The following NCAM2 variants were observed in gnomAD, a reference collection of about 807,000 sequenced individuals.
The protein encoded by NCAM2 is N-CAM-2.
A neutral mutation model predicts 98.1 loss-of-function variants in NCAM2; 30 were observed. The observed-to-expected ratio is 0.31, with a 90% CI of 0.23 to 0.41. NCAM2 has a LOEUF of 0.41. Among genes scored for constraint, NCAM2 ranks in the 10% least tolerant of loss-of-function variants. NCAM2 has a pLI of 1.00. For synonymous variants in NCAM2, 368 were observed against 342.4 expected (o/e 1.07, Z -0.83); for missense variants, 867 against 1,005.8 (o/e 0.86, Z 1.87).
intron 5 of NCAM2, among the ~76,000 whole-genome samples, chr21:21,315,109 G>C (rs2074179744): frequency 6.6e-6 from 1 of 152,098 alleles, no homozygotes; most frequent in Non-Finnish European, 1.5e-5. Context: ...GTTTAGATCA[G>C]ACAACAAATT....
At chr21:21,243,147 A>T (rs1003463319) in intron 1 of NCAM2, among the ~76,000 whole-genome samples, 2 of 152,226 alleles carry the variant, frequency 1.3e-5, no homozygotes, top group African/African-American at 2.4e-5. Flanking sequence ...TTTAAGAGCC[A>T]AAGAAATAAT....
At chr21:21,268,383 GAC>G (rs79110228) in intron 1 of NCAM2, among the ~76,000 whole-genome samples, 2,671 of 152,248 alleles carry the variant, frequency 0.018, 85 homozygotes, top group East Asian at 0.14. Flanking sequence ...CCAACAACAT[GAC>G]ACTGCTTCTC....
chr21:21,129,514 G>C (rs2066892866), intron 1 of NCAM2, among the ~76,000 whole-genome samples: 1 of 152,038 alleles, frequency 6.6e-6, no homozygotes, highest in Non-Finnish European at 1.5e-5. Context: ...CTGCAAACTG[G>C]ATGGGTTATA....
intron 1 of NCAM2, among the ~76,000 whole-genome samples, chr21:21,087,975 C>G (rs559095308): frequency 1.3e-5 from 2 of 152,224 alleles, no homozygotes; most frequent in East Asian, 1.9e-4. Context: ...TATCACCATT[C>G]AAATACACAT....
intron 8 of NCAM2, among the ~76,000 whole-genome samples, chr21:21,348,996 T>C (rs1207919051): frequency 6.6e-6 from 1 of 152,122 alleles, no homozygotes; most frequent in African/African-American, 2.4e-5. Context: ...CAAGAAATCA[T>C]TGGGGAAAAT....
intron 9 of NCAM2, among the ~76,000 whole-genome samples, chr21:21,394,598 C>T (rs974128163): frequency 6.8e-6 from 1 of 148,136 alleles, no homozygotes; most frequent in Non-Finnish European, 1.5e-5. Context: ...ACGCCATTCT[C>T]CTGCCTCAGC....
chr21:20,998,753 T>C, intron 1 of NCAM2, 135 bp downstream of exon 1: 1 of 873,516 alleles, frequency 1.1e-6, no homozygotes. Flanking sequence ...TTATTATTAT[T>C]TTCGTTCTTT....
At chr21:21,436,003 G>A (rs536568940) in intron 12 of NCAM2, among the ~76,000 whole-genome samples, 5 of 152,196 alleles carry the variant, frequency 3.3e-5, no homozygotes, top group Admixed American at 2.0e-4. Context: ...CACCCCTAAC[G>A]TTGTAAGATA....
intron 1 of NCAM2, among the ~76,000 whole-genome samples, chr21:21,017,834 T>C (rs900646063): frequency 3.3e-5 from 5 of 152,162 alleles, no homozygotes; most frequent in Admixed American, 6.5e-5. Context: ...ATGTAACATA[T>C]ATATTTGTTT....
chr21:21,479,556 C>T (rs1232190861), intron 15 of NCAM2, among the ~76,000 whole-genome samples: 2 of 111,182 alleles, frequency 1.8e-5, no homozygotes, highest in African/African-American at 3.2e-5. Context: ...TGCACTCCAG[C>T]CTGGGAGACA....
intron 12 of NCAM2, among the ~76,000 whole-genome samples, chr21:21,463,267 C>T (rs1470592158): frequency 6.6e-6 from 1 of 152,042 alleles, no homozygotes; most frequent in Admixed American, 6.6e-5. Flanking sequence ...CAGGCTTTGC[C>T]TCCTCCAAAT....
intron 1 of NCAM2, among the ~76,000 whole-genome samples, chr21:21,254,498 C>T (rs2071589456): frequency 6.6e-6 from 1 of 152,136 alleles, no homozygotes; most frequent in Non-Finnish European, 1.5e-5. Flanking sequence ...GCATGTTGAT[C>T]AATTGACACA....
intron 1 of NCAM2, among the ~76,000 whole-genome samples, chr21:21,136,339 C>T (rs1483046827): frequency 6.6e-6 from 1 of 152,160 alleles, no homozygotes; most frequent in Non-Finnish European, 1.5e-5. Context: ...GGGAAAACAA[C>T]CAGAAACACT....
At chr21:21,397,328 G>C (rs2076531894) in intron 9 of NCAM2, among the ~76,000 whole-genome samples, 1 of 152,192 alleles carries the variant, frequency 6.6e-6, no homozygotes, top group South Asian at 2.1e-4. Flanking sequence ...CCAGAAGGCT[G>C]TCTGCCTCCT....
intron 9 of NCAM2, 136 bp from the exon 10 acceptor site, chr21:21,410,138 G>GA (rs112122491): frequency 0.074 from 32,541 of 439,394 alleles, 7 homozygotes; most frequent in Middle Eastern, 0.094. Context: ...GTCTCAAAAA[G>GA]AAAAAAAAAA....
At chr21:21,516,285 G>A (rs905585401) in intron 16 of NCAM2, among the ~76,000 whole-genome samples, 1 of 152,066 alleles carries the variant, frequency 6.6e-6, no homozygotes, top group Non-Finnish European at 1.5e-5. Context: ...CATAACATCA[G>A]TGCTAACAAA....
At chr21:21,078,064 A>G (rs919728265) in intron 1 of NCAM2, among the ~76,000 whole-genome samples, 3 of 152,190 alleles carry the variant, frequency 2.0e-5, no homozygotes, top group Non-Finnish European at 4.4e-5. Flanking sequence ...AATGTATATT[A>G]TACTGTGGAT....
chr21:21,515,958 A>C (rs1988688104), intron 16 of NCAM2, among the ~76,000 whole-genome samples: 1 of 152,176 alleles, frequency 6.6e-6, no homozygotes, highest in Non-Finnish European at 1.5e-5. Context: ...ACAAATCTAA[A>C]ATTATGTCAC....
intron 5 of NCAM2, among the ~76,000 whole-genome samples, chr21:21,297,276 T>G (rs1222231710): frequency 1.3e-5 from 2 of 151,800 alleles, no homozygotes; most frequent in Non-Finnish European, 2.9e-5. Flanking sequence ...TCCTGCTACA[T>G]GACTTCAGTA....
Sources: allele counts gnomAD v4.1 joint callset (sites outside exome capture counted in the v4.1 genomes callset), GRCh38; gene constraint gnomAD v4.1.1; transcripts MANE v1.5; gene names NCBI Gene and HGNC (gene_info 2026-07-23, HGNC 2026-07-21).